ZNF540: variants seen among roughly 807,000 people sequenced by gnomAD.
The protein encoded by ZNF540 is CTD-3064H18.6.
In ZNF540, 3 loss-of-function variants were observed where a neutral mutation model predicts 11.8. That is an observed-to-expected ratio of 0.25 (90% CI 0.12 to 0.65). The LOEUF (loss-of-function observed/expected upper bound fraction) is 0.65, where lower values mean the gene tolerates loss of function less well. Ranked by LOEUF, ZNF540 falls within the 30% of genes least tolerant of loss-of-function variation. ZNF540 has a pLI of 0.83. For synonymous variants in ZNF540, 247 were observed against 259.0 expected, an observed-to-expected ratio of 0.95 and a Z score of 0.45; for missense variants, 709 against 793.1, an observed-to-expected ratio of 0.89 and a Z score of 1.27.
At chr19:37,611,456 T>G (rs2147234908) in intron 4 of ZNF540, 57 bp from the exon 5 acceptor site, 2 of 1,407,396 alleles carry the variant, frequency 1.4e-6, no homozygotes, top group South Asian at 1.5e-5. Flanking sequence ...AATGTAAACT[T>G]TATGTTATGC....
upstream of ZNF540, among the ~76,000 whole-genome samples, chr19:37,593,463 G>A (rs1324392009): frequency 6.6e-6 from 1 of 152,164 alleles, no homozygotes; most frequent in Non-Finnish European, 1.5e-5. Context: ...CAGCACTCTG[G>A]GAGGCCCAGG....
chr19:37,611,400 A>T, intron 4 of ZNF540, 113 bp from the exon 5 acceptor site: 1 of 760,104 alleles, frequency 1.3e-6, no homozygotes, highest in Non-Finnish European at 2.1e-6. Context: ...TCTTTAAGCC[A>T]CTGACTTCTA....
At position 37,594,901 on chromosome 19, in the gene ZNF540, G is replaced by C. The variant is rs1568364701; in HGVS notation, c.-267G>C. 6.6e-6 allele frequency: 1 copy of C among 152,222 alleles called. No homozygotes were observed. The highest frequency in any genetic ancestry group is 2.4e-5 in the African/African-American group (1 of 41,446). The allele number at this position is 152,222 out of a possible 1,614,324, so 9.4% of individuals were successfully genotyped here. A position where few individuals can be genotyped will look rare whatever the true frequency, so the allele number is the denominator to read the frequency against. On this transcript the variant is annotated 5_prime_UTR_variant, in exon 1 of 5. Coordinates refer to ENST00000316433, the MANE Select transcript of ZNF540 (RefSeq NM_001172225.3). ...AGCTAAGATCGGGTCCGGCGCTCCA[G>C]AACAGAACGATCCCTGAGGCTCCCT...
intron 4 of ZNF540, among the ~76,000 whole-genome samples, chr19:37,601,819 CTCAGAGCAGAT>C (rs994077263): frequency 2.6e-5 from 4 of 152,142 alleles, no homozygotes; most frequent in Admixed American, 6.5e-5. Context: ...ACTGGAAAAG[CTCAGAGCAGAT>C]TCAGAGTGGG....
At chr19:37,559,613 A>G (rs1437655319) in intron 1 of ZNF540, among the ~76,000 whole-genome samples, 1 of 152,196 alleles carries the variant, frequency 6.6e-6, no homozygotes, top group Non-Finnish European at 1.5e-5. Context: ...CAAACCAACT[A>G]TTATTGTGAA....
upstream of ZNF540, chr19:37,594,118 C>A (rs2043946679): frequency 6.6e-6 from 1 of 152,258 alleles, no homozygotes; most frequent in South Asian, 2.1e-4. Context: ...CCCCACAGGG[C>A]TGTCAAGCTA....
upstream of ZNF540, among the ~76,000 whole-genome samples, chr19:37,590,875 G>C (rs2043849821): frequency 6.6e-6 from 1 of 152,040 alleles, no homozygotes. Context: ...AAAACCAAAA[G>C]AAATCTAAAA....
At chr19:37,565,300 T>TGA (rs1377330699) in intron 1 of ZNF540, 1 of 1,610,986 alleles carries the variant, frequency 6.2e-7, no homozygotes, top group East Asian at 2.2e-5. Context: ...AAGTAAGTTG[T>TGA]GAGCCACGAA....
chr19:37,608,939 C>T (rs999573043), intron 4 of ZNF540, among the ~76,000 whole-genome samples: 2 of 152,132 alleles, frequency 1.3e-5, no homozygotes, highest in Non-Finnish European at 2.9e-5. Context: ...CTGCGCCCGG[C>T]CAGTATTTAG....
chr19:37,578,672 G>C (rs915083672), intron 1 of ZNF540, among the ~76,000 whole-genome samples: 1 of 151,054 alleles, frequency 6.6e-6, no homozygotes, highest in Non-Finnish European at 1.5e-5. Flanking sequence ...CCAGCACAGC[G>C]ACCCTGTCCC....
chr19:37,551,842 T>G (rs1041708701), intron 1 of ZNF540, among the ~76,000 whole-genome samples: 50 of 147,478 alleles, frequency 3.4e-4, no homozygotes, highest in Non-Finnish European at 6.0e-4. Context: ...GTGGGGGGGG[T>G]GGTGTCTGGT....
At chr19:37,563,962 G>A (rs1026730860) in intron 1 of ZNF540, 2 of 152,056 alleles carry the variant, frequency 1.3e-5, no homozygotes, top group African/African-American at 2.4e-5. Context: ...ATTTGTTGTA[G>A]AAAAATAATC....
intron 1 of ZNF540, among the ~76,000 whole-genome samples, chr19:37,551,834 G>GT (rs1555712947): frequency 0.021 from 2,936 of 142,820 alleles, 39 homozygotes; most frequent in African/African-American, 0.029. Context: ...CTGTGTGTGT[G>GT]GGGGGGGTGG....
chr19:37,551,838 G>GGC (rs1568332739), intron 1 of ZNF540, among the ~76,000 whole-genome samples: 1 of 152,042 alleles, frequency 6.6e-6, no homozygotes, highest in African/African-American at 2.4e-5. Flanking sequence ...GTGTGTGGGG[G>GGC]GGGTGGTGTC....
chr19:37,613,003 G>C lies in ZNF540; in HGVS notation c.1723G>C (p.Gly575Arg), dbSNP rs1201927839. ...CACTGAACATCAGAAAATTCATACG[G>C]GTGTAAAACCATACAAATGTAAAGA... ...QFTEHQKIHTGVKPYKCKECG... is the reference protein window; with the variant it reads ...QFTEHQKIHTRVKPYKCKECG... Residue 575 changes from glycine (G) to arginine (R), a missense_variant, in exon 5 of 5, where the codon GGT becomes CGT. Physicochemically the swap from Gly to Arg is moderately radical, Grantham distance 125 (BLOSUM62 -2). Coordinates refer to ENST00000316433, the MANE Select transcript of ZNF540 (RefSeq NM_001172225.3). The C allele has an allele frequency of 1.2e-6, 2 of 1,613,990 alleles. No individual in the cohort carries two copies. Among genetic ancestry groups the C allele is most frequent in the African/African-American group, 2.7e-5 (2 of 74,914 alleles).
At chr19:37,585,564 T>C (rs1324882810) in intron 1 of ZNF540, 1 of 152,186 alleles carries the variant, frequency 6.6e-6, no homozygotes, top group Non-Finnish European at 1.5e-5. Flanking sequence ...TTTTTTCTAA[T>C]TTCCCTTAAA....
At chr19:37,601,699 G>A (rs111313760) in intron 4 of ZNF540, among the ~76,000 whole-genome samples, 16 of 152,320 alleles carry the variant, frequency 1.1e-4, no homozygotes, top group African/African-American at 3.8e-4. Flanking sequence ...AAGGCTCTTC[G>A]AAGAGAGAAT....
intron 1 of ZNF540, among the ~76,000 whole-genome samples, chr19:37,551,832 G>GTT (rs1310637847): frequency 1.3e-5 from 2 of 150,790 alleles, no homozygotes; most frequent in Non-Finnish European, 3.0e-5. Context: ...GTCTGTGTGT[G>GTT]TGGGGGGGGT....
intron 2 of ZNF540, among the ~76,000 whole-genome samples, chr19:37,598,871 G>A (rs560128417): frequency 1.3e-5 from 2 of 152,242 alleles, no homozygotes; most frequent in African/African-American, 4.8e-5. Flanking sequence ...CTTATAGAGA[G>A]GCCAGGGGAT....
Sources: allele counts gnomAD v4.1 joint callset (sites outside exome capture counted in the v4.1 genomes callset), GRCh38; gene constraint gnomAD v4.1.1; transcripts MANE v1.5; gene names NCBI Gene and HGNC (gene_info 2026-07-23, HGNC 2026-07-21).